Variants in SIPA1L1 observed in about 807,000 individuals in gnomAD.
SIPA1L1 encodes signal induced proliferation associated 1 like 1.
SIPA1L1 carries 26 observed loss-of-function variants against 162.7 expected under a neutral mutation model. That is an observed-to-expected ratio of 0.16 (90% CI 0.12 to 0.22). SIPA1L1 has a LOEUF of 0.22. SIPA1L1 is among the 10% of genes least tolerant of loss of function. The pLI is 1.00. For missense variants in SIPA1L1, 1,874 were observed against 2,241.0 expected (o/e 0.84, Z 3.31); for synonymous variants, 829 against 837.4 (o/e 0.99, Z 0.17).
intron 7 of SIPA1L1, among the ~76,000 whole-genome samples, chr14:71,638,349 G>C (rs996491252): frequency 2.6e-5 from 4 of 152,126 alleles, no homozygotes; most frequent in Admixed American, 2.0e-4. Flanking sequence ...CCATGACCTA[G>C]TTGGATTTAT....
At chr14:71,422,488 C>T (rs991872854) in intron 2 of SIPA1L1, among the ~76,000 whole-genome samples, 3 of 152,154 alleles carry the variant, frequency 2.0e-5, no homozygotes, top group Non-Finnish European at 4.4e-5. Flanking sequence ...ATTCCTACCA[C>T]TGCCCAGGCC....
rs970611129 is a variant in SIPA1L1 at position 71,664,946 on chromosome 14, G to A, written c.2255+3479G>A. On this transcript the variant is annotated intron_variant, in intron 10 of 23. Coordinates refer to ENST00000381232, the MANE Select transcript of SIPA1L1 (RefSeq NM_001386936.1). ...GAAAAAGAGAAACCATTCTAGGAGT[G>A]GTCAGTGGAAAGGACAGAAGCCTAG... is the stretch of plus-strand genomic sequence containing the variant. Among the ~76,000 whole-genome samples, 5 of 152,220 alleles carry A rather than the reference G, an allele frequency of 3.3e-5. No homozygotes were observed. The East Asian group carries it at 9.7e-4, about 29-fold the overall frequency.
rs893034381 is a variant in SIPA1L1, at chr14:71,377,985, A to C, written c.-465+56804A>C. Among the ~76,000 whole-genome samples the C allele has an allele frequency of 2.6e-5, 4 of 152,116 alleles. No individual in the cohort carries two copies. The highest frequency in any genetic ancestry group is 5.9e-5 in the Non-Finnish European group (4 of 68,012). ...GGAAAGCAGGAGATGGAGACGAGGG[A>C]GAGGGGGAGACAGTGGAAAGAAGGA... On this transcript the variant is annotated intron_variant, in intron 2 of 23. Coordinates refer to ENST00000381232, the MANE Select transcript of SIPA1L1 (RefSeq NM_001386936.1). The surrounding 1 kb of genome is among the most constrained non-coding windows in gnomAD (Gnocchi z 4.8).
In SIPA1L1 at chr14:71,447,562, A is replaced by AT. The variant is rs61686460; in HGVS notation, c.-464-65162dup. The stretch of plus-strand genomic sequence containing the variant: ...GATTTTTTAAAAGCATGTACTGTGG[A>AT]TTTTTTTTTTTTTTTTTTTGAGACA... On this transcript the variant is annotated intron_variant, in intron 2 of 23. Transcript: ENST00000381232. Among the ~76,000 whole-genome samples the AT allele has an allele frequency of 5.3e-3, 678 of 127,784 alleles. 3 individuals are homozygous for AT. The highest frequency in any genetic ancestry group is 0.038 in the East Asian group (164 of 4,346). The allele number at this position is 127,784 out of a possible 152,430, so 83.8% of individuals were successfully genotyped here. A position where few individuals can be genotyped will look rare whatever the true frequency, so the allele number is the denominator to read the frequency against.
rs1346549837 is a variant in SIPA1L1, at chr14:71,377,017, C to T, written c.-465+55836C>T. 6.6e-6 allele frequency among the ~76,000 whole-genome samples: 1 copy of T among 152,184 alleles called. No individual in the cohort carries two copies. Among genetic ancestry groups the T allele is most frequent in the Non-Finnish European group, 1.5e-5 (1 of 68,040 alleles). ...TTCTATTCGACAAAACCACCATCGT[C>T]ATTATGGCCCGTTCTCAGTGAGCTG... On this transcript the variant is annotated intron_variant, in intron 2 of 23. Transcript: ENST00000381232. The surrounding 1 kb of genome is among the most constrained non-coding windows in gnomAD (Gnocchi z 4.8).
intron 4 of SIPA1L1, among the ~76,000 whole-genome samples, chr14:71,555,402 T>C (rs542805691): frequency 1.8e-4 from 28 of 152,326 alleles, no homozygotes; most frequent in African/African-American, 6.7e-4. Context: ...TCAGCCTTCA[T>C]AGAATTGAAG....
At chr14:71,549,816 G>A (rs1270637876) in intron 4 of SIPA1L1, among the ~76,000 whole-genome samples, 1 of 152,186 alleles carries the variant, frequency 6.6e-6, no homozygotes, top group Non-Finnish European at 1.5e-5. Flanking sequence ...AATAGTGAGA[G>A]TTTGGTTTTT....
chr14:71,435,450 G>A (rs895332085), intron 2 of SIPA1L1, among the ~76,000 whole-genome samples: 1 of 152,020 alleles, frequency 6.6e-6, no homozygotes, highest in Non-Finnish European at 1.5e-5. Flanking sequence ...CTTGTGATAG[G>A]TTGCTGAGAA....
chr14:71,412,663 A>G (rs2042490555), intron 2 of SIPA1L1, among the ~76,000 whole-genome samples: 2 of 152,224 alleles, frequency 1.3e-5, no homozygotes, highest in Non-Finnish European at 2.9e-5. Context: ...TTTTGTCTTC[A>G]GTAGGAATTG....
At chr14:71,410,779 A>G (rs1219233720) in intron 2 of SIPA1L1, among the ~76,000 whole-genome samples, 2 of 152,316 alleles carry the variant, frequency 1.3e-5, no homozygotes, top group African/African-American at 2.4e-5. Context: ...GGTTAGCTAT[A>G]GGGAGAAGGT....
chr14:71,540,115 C>G (rs1421832328), intron 4 of SIPA1L1, among the ~76,000 whole-genome samples: 3 of 152,192 alleles, frequency 2.0e-5, no homozygotes, highest in Non-Finnish European at 2.9e-5. Context: ...AATACCTTAT[C>G]ATGGAGATTT....
intron 5 of SIPA1L1, among the ~76,000 whole-genome samples, chr14:71,603,064 G>A (rs1036987845): frequency 6.6e-6 from 1 of 152,120 alleles, no homozygotes; most frequent in African/African-American, 2.4e-5. Flanking sequence ...GTTTAGAATT[G>A]TTACATCTTT....
chr14:71,521,012 C>A (rs188227837), intron 3 of SIPA1L1, among the ~76,000 whole-genome samples: 1 of 152,158 alleles, frequency 6.6e-6, no homozygotes, highest in South Asian at 2.1e-4. Flanking sequence ...CCTCAGCCTC[C>A]CAAAGTGCTG....
intron 3 of SIPA1L1, among the ~76,000 whole-genome samples, chr14:71,518,249 A>G (rs2051943012): frequency 6.6e-6 from 1 of 151,882 alleles, no homozygotes; most frequent in African/African-American, 2.4e-5. Context: ...ATACCACTGC[A>G]CTTCAGCCTA....
chr14:71,608,979 A>G (rs2037864379), intron 5 of SIPA1L1, among the ~76,000 whole-genome samples: 1 of 152,206 alleles, frequency 6.6e-6, no homozygotes, highest in South Asian at 2.1e-4. Flanking sequence ...TAGAAACTAT[A>G]GAAAATAAAT....
At chr14:71,542,704 C>CCCTCCTCCTCCTCCT (rs147003051) in intron 4 of SIPA1L1, among the ~76,000 whole-genome samples, 2 of 105,794 alleles carry the variant, frequency 1.9e-5, no homozygotes, top group African/African-American at 7.6e-5. Flanking sequence ...TTCTCCTCCT[C>CCCTCCTCCTCCTCCT]CCTCCTCCTC....
chr14:71,518,925 A>C (rs1160279828), intron 3 of SIPA1L1, among the ~76,000 whole-genome samples: 1 of 152,164 alleles, frequency 6.6e-6, no homozygotes, highest in Non-Finnish European at 1.5e-5. Context: ...GCAAGAGAAA[A>C]TGAAGAAACA....
At chr14:71,727,382 A>T (rs1317911719) in intron 19 of SIPA1L1, among the ~76,000 whole-genome samples, 1 of 151,958 alleles carries the variant, frequency 6.6e-6, no homozygotes, top group Non-Finnish European at 1.5e-5. Context: ...CAACTGTGAG[A>T]TAGAGGACCA....
At chr14:71,342,872 G>A (rs746781144) in intron 2 of SIPA1L1, among the ~76,000 whole-genome samples, 8 of 152,026 alleles carry the variant, frequency 5.3e-5, no homozygotes, top group African/African-American at 1.7e-4. Context: ...TTAATCTCTC[G>A]TTTGCTTTAA....
Sources: allele counts gnomAD v4.1 joint callset (sites outside exome capture counted in the v4.1 genomes callset), GRCh38; gene constraint gnomAD v4.1.1; non-coding constraint Gnocchi (gnomAD v3.1); transcripts MANE v1.5; gene names NCBI Gene and HGNC (gene_info 2026-07-23, HGNC 2026-07-21).